The following CHD1 variants were observed in gnomAD, a reference collection of about 807,000 sequenced individuals.
CHD1 encodes the protein ATP-dependent chromatin remodeler CHD1.
A neutral mutation model predicts 224.2 loss-of-function variants in CHD1; 36 were observed. The observed-to-expected ratio is 0.16, with a 90% CI of 0.12 to 0.21. The LOEUF is 0.21. CHD1 is among the 10% of genes least tolerant of loss of function. CHD1 has a pLI of 1.00. For missense variants in CHD1, 1,378 were observed against 1,994.8 expected (o/e 0.69, Z 5.89); for synonymous variants, 668 against 658.3 (o/e 1.01, Z -0.23).
At chr5:98,869,959 G>A in intron 29 of CHD1, 77 bp from the exon 30 acceptor site, 1 of 1,082,602 alleles carries the variant, frequency 9.2e-7, no homozygotes, top group Admixed American at 2.3e-5. Context: ...AAATCCAAGG[G>A]CTAGAACACA....
At chr5:98,908,399 A>G (rs138153338) in intron 2 of CHD1, among the ~76,000 whole-genome samples, 145 of 152,296 alleles carry the variant, frequency 9.5e-4, no homozygotes, top group African/African-American at 3.4e-3. Context: ...CTTGGTTATG[A>G]GCAAACGATG....
At chr5:98,903,747 G>T in intron 4 of CHD1, 45 bp downstream of exon 4, 1 of 1,264,566 alleles carries the variant, frequency 7.9e-7, no homozygotes, top group Non-Finnish European at 1.2e-6. Flanking sequence ...AACTGATTCA[G>T]CAGCATGTCC....
intron 32 of CHD1, among the ~76,000 whole-genome samples, chr5:98,861,619 A>G (rs1748472864): frequency 6.6e-6 from 1 of 151,626 alleles, no homozygotes; most frequent in Admixed American, 6.6e-5. Flanking sequence ...CTCTTGCCTC[A>G]GCCTCCTGAG....
rs376566244 is a variant in CHD1, at chr5:98,928,806, T to TCGCCGCCGCCGCCGC, written c.-431_-417dup. ...AGCAAGAGCTATAAGTAACCAGTCG[T>TCGCCGCCGCCGCCGC]CGCCGCCGCCGCCGCCGCCGTCGCG... On this transcript the variant is annotated 5_prime_UTR_variant, in exon 1 of 36. Coordinates refer to ENST00000614616, the MANE Select transcript of CHD1 (RefSeq NM_001270.4). 2 of 159,106 alleles carry TCGCCGCCGCCGCCGC rather than the reference T, an allele frequency of 1.3e-5. No individual in the cohort carries two copies. Among genetic ancestry groups the TCGCCGCCGCCGCCGC allele is most frequent in the Admixed American group, 1.3e-4 (2 of 15,298 alleles). The allele number at this position is 159,106 out of a possible 1,614,324, so 9.9% of individuals were successfully genotyped here.
intron 7 of CHD1, among the ~76,000 whole-genome samples, chr5:98,900,110 A>G (rs1203757984): frequency 4.0e-5 from 6 of 151,848 alleles, no homozygotes; most frequent in African/African-American, 1.2e-4. Flanking sequence ...GTGAAACCCC[A>G]TCTCTGCTAA....
intron 2 of CHD1, among the ~76,000 whole-genome samples, chr5:98,919,513 G>A (rs1023060486): frequency 7.9e-5 from 12 of 152,246 alleles, no homozygotes; most frequent in South Asian, 2.1e-4. Flanking sequence ...TTTTAGTTGC[G>A]AAATTAGTTT....
intron 1 of CHD1, 88 bp downstream of exon 1, chr5:98,928,451 C>T (rs1477834235): frequency 1.3e-5 from 2 of 153,726 alleles, no homozygotes; most frequent in African/African-American, 4.8e-5. Flanking sequence ...TGGGCCGCCG[C>T]CTGGGCACCG....
chr5:98,861,680 T>C (rs1036733268), intron 32 of CHD1, among the ~76,000 whole-genome samples: 4 of 151,586 alleles, frequency 2.6e-5, no homozygotes, highest in African/African-American at 9.7e-5. Context: ...TTTTTTTTTT[T>C]TTTTGTATTT....
At chr5:98,885,857 T>C in intron 17 of CHD1, 2 of 511,174 alleles carry the variant, frequency 3.9e-6, no homozygotes, top group East Asian at 6.4e-5. Context: ...CAAGAGTAAA[T>C]ACAGCATAGG....
rs747421643 is a variant in CHD1, at chr5:98,900,825, A to G, written c.845T>C (p.Ile282Thr). Residue 282 changes from isoleucine to threonine, a missense_variant, in exon 7 of 36, where the codon ATT becomes ACT. Physicochemically the swap from Ile to Thr is moderately conservative, Grantham distance 89 (BLOSUM62 -1). Around this residue, in one of 16 missense-constraint regions of CHD1, gnomAD observed 40 missense variants for 60.0 expected, o/e 0.67. Transcript: ENST00000614616. ...TTAAAAACTACCTCCTTTTCTCCCAATCCGACAATCCATAAATCTTTCTAT... is the reference window on the plus strand; with the variant it reads ...TTAAAAACTACCTCCTTTTCTCCCAGTCCGACAATCCATAAATCTTTCTAT... ...ETIERFMDCR[I>T]GRKGATGATT... The G allele has an allele frequency of 1.2e-6, 2 of 1,608,050 alleles. No individual in the cohort carries two copies. Among genetic ancestry groups the G allele is most frequent in the East Asian group, 2.2e-5 (1 of 44,854 alleles).
intron 17 of CHD1, among the ~76,000 whole-genome samples, chr5:98,887,134 AAACTGTATG>A (rs1212577772): frequency 1.3e-5 from 2 of 152,158 alleles, no homozygotes; most frequent in Admixed American, 1.3e-4. Flanking sequence ...TTAAATGAGT[AAACTGTATG>A]ATATGGGAAT....
At chr5:98,894,339 G>A (rs1459261209) in intron 13 of CHD1, among the ~76,000 whole-genome samples, 3 of 152,118 alleles carry the variant, frequency 2.0e-5, no homozygotes, top group Non-Finnish European at 2.9e-5. Flanking sequence ...CTTTTTCTAA[G>A]AAGAGCCAGA....
chr5:98,879,062 T>A (rs888526860), intron 23 of CHD1, among the ~76,000 whole-genome samples: 1 of 152,040 alleles, frequency 6.6e-6, no homozygotes, highest in African/African-American at 2.4e-5. Flanking sequence ...TAAAACTCCA[T>A]CTCTACAAAA....
chr5:98,879,313 C>T (rs1271290720), intron 23 of CHD1, among the ~76,000 whole-genome samples: 4 of 151,992 alleles, frequency 2.6e-5, no homozygotes, highest in Non-Finnish European at 5.9e-5. Flanking sequence ...ATTGTGGAAA[C>T]TCATGAAATT....
In CHD1 at chr5:98,885,559, TA is replaced by T; in HGVS notation, c.2568+18del. 1 of 1,457,664 alleles carries T rather than the reference TA, an allele frequency of 6.9e-7. No individual in the cohort carries two copies. Among genetic ancestry groups the T allele is most frequent in the Non-Finnish European group, 9.5e-7 (1 of 1,055,592 alleles). The allele number at this position is 1,457,664 out of a possible 1,614,324, so 90.3% of individuals were successfully genotyped here. A position where few individuals can be genotyped will look rare whatever the true frequency, so the allele number is the denominator to read the frequency against. On this transcript the variant is annotated intron_variant, in intron 18 of 35. Transcript: ENST00000614616. ...ACTAAATCAAAATTATTTATAATTTTAAAAGCACTAATACATACCTCTGATC... is the reference window on the plus strand; with the variant it reads ...ACTAAATCAAAATTATTTATAATTTTAAAGCACTAATACATACCTCTGATC...
chr5:98,925,113 C>T (rs1188257051), intron 2 of CHD1, among the ~76,000 whole-genome samples: 1 of 152,124 alleles, frequency 6.6e-6, no homozygotes, highest in Non-Finnish European at 1.5e-5. Context: ...CCCCATGTCT[C>T]CATCACTGTA....
intron 31 of CHD1, among the ~76,000 whole-genome samples, chr5:98,865,878 T>C (rs186321105): frequency 1.3e-5 from 2 of 152,276 alleles, no homozygotes; most frequent in African/African-American, 4.8e-5. Context: ...AGGAAATTCA[T>C]GCATTGTGCA....
Position 98,893,733 on chromosome 5 carries a change from TAAA to T in CHD1, c.1801-130_1801-128del, listed in dbSNP as rs957054530. The T allele has an allele frequency of 6.4e-6, 4 of 620,158 alleles. No homozygotes were observed. The African/African-American group carries it at 7.7e-5, about 12-fold the overall frequency. The allele number at this position is 620,158 out of a possible 1,614,324, so 38.4% of individuals were successfully genotyped here. On this transcript the variant is annotated intron_variant, in intron 13 of 35. Coordinates refer to ENST00000614616, the MANE Select transcript of CHD1 (RefSeq NM_001270.4). ...AAACAAACTTTGTCTAATTTTCAAA[TAAA>T]AAATCGTAATCTCAAGATTACAATA... is the stretch of plus-strand genomic sequence containing the variant.
In CHD1 at chr5:98,911,150, T is replaced by A. The variant is rs1224665054; in HGVS notation, c.54-6052A>T. ...AAAATGAAAAAAAAAAAAAAAAATA[T>A]ATATATATATATATATATATATATA... On this transcript the variant is annotated intron_variant, in intron 2 of 35. Transcript: ENST00000614616. 7.6e-3 allele frequency among the ~76,000 whole-genome samples: 702 copies of A among 91,862 alleles called. 3 individuals are homozygous for A. Among genetic ancestry groups the A allele is most frequent in the Non-Finnish European group, 0.01 (480 of 46,658 alleles). The allele number at this position is 91,862 out of a possible 152,430, so 60.3% of individuals were successfully genotyped here. A position where few individuals can be genotyped will look rare whatever the true frequency, so the allele number is the denominator to read the frequency against.
Sources: allele counts gnomAD v4.1 joint callset (sites outside exome capture counted in the v4.1 genomes callset), GRCh38; gene constraint gnomAD v4.1.1; regional missense constraint gnomAD v4.1.1; transcripts MANE v1.5; gene names NCBI Gene and HGNC (gene_info 2026-07-23, HGNC 2026-07-21).